Variants in EYA1 observed in about 807,000 individuals in gnomAD.
The protein encoded by EYA1 is protein phosphatase EYA1.
Under a neutral mutation model 82.0 loss-of-function variants are expected in EYA1, and 16 were observed. The observed-to-expected ratio is 0.20, with a 90% confidence interval of 0.13 to 0.30. The LOEUF is 0.30. EYA1 is among the 10% of genes least tolerant of loss of function. The probability of loss-of-function intolerance (pLI) is 1.00; values close to 1 mark genes in which losing one functional copy is unlikely to be tolerated. For missense variants in EYA1, 633 were observed against 730.7 expected (o/e 0.87, Z 1.54); for synonymous variants, 261 against 264.4 (o/e 0.99, Z 0.12).
At chr8:71,517,373 T>G (rs1813047426) in intron 2 of EYA1, among the ~76,000 whole-genome samples, 1 of 149,832 alleles carries the variant, frequency 6.7e-6, no homozygotes. Context: ...CATGAAAATC[T>G]TTTAAAATAT....
intron 4 of EYA1, among the ~76,000 whole-genome samples, chr8:71,326,130 G>T (rs189283686): frequency 5.8e-4 from 89 of 152,194 alleles, no homozygotes; most frequent in African/African-American, 2.0e-3. Context: ...AACATAGAAA[G>T]AATCTCCTCC....
At chr8:71,474,034 T>C (rs1809448926) in intron 2 of EYA1, among the ~76,000 whole-genome samples, 1 of 151,746 alleles carries the variant, frequency 6.6e-6, no homozygotes, top group Non-Finnish European at 1.5e-5. Flanking sequence ...GAACATCACA[T>C]ACCGGGGCCT....
chr8:71,431,573 T>G (rs1309880071), intron 2 of EYA1, among the ~76,000 whole-genome samples: 1 of 152,196 alleles, frequency 6.6e-6, no homozygotes, highest in Non-Finnish European at 1.5e-5. Context: ...CTAGGGTCTT[T>G]AAAATATGCT....
At chr8:71,309,426 C>G (rs1020054349) in intron 7 of EYA1, among the ~76,000 whole-genome samples, 3 of 151,792 alleles carry the variant, frequency 2.0e-5, no homozygotes, top group Non-Finnish European at 4.4e-5. Flanking sequence ...AGAAGAGTGG[C>G]AAAGCAATTA....
intron 2 of EYA1, among the ~76,000 whole-genome samples, chr8:71,391,936 A>T (rs919674233): frequency 6.6e-6 from 1 of 152,234 alleles, no homozygotes. Flanking sequence ...CACTGCACCC[A>T]ATCTTTAAGG....
intron 2 of EYA1, among the ~76,000 whole-genome samples, chr8:71,448,574 G>C (rs531221462): frequency 2.0e-5 from 3 of 152,142 alleles, no homozygotes; most frequent in Non-Finnish European, 2.9e-5. Context: ...TGATCTCCTA[G>C]GGATCACAAA....
At chr8:71,283,714 A>G (rs1806802633) in intron 9 of EYA1, among the ~76,000 whole-genome samples, 1 of 152,130 alleles carries the variant, frequency 6.6e-6, no homozygotes, top group Admixed American at 6.5e-5. Flanking sequence ...GAGAACTCAA[A>G]CACACTTGGT....
intron 4 of EYA1, among the ~76,000 whole-genome samples, chr8:71,333,053 T>C (rs1217326206): frequency 1.3e-5 from 2 of 152,194 alleles, no homozygotes; most frequent in African/African-American, 4.8e-5. Context: ...CATCAAACTG[T>C]ACTGTGATGG....
intron 12 of EYA1, among the ~76,000 whole-genome samples, chr8:71,221,265 T>C (rs1207105823): frequency 7.4e-6 from 1 of 134,502 alleles, no homozygotes; most frequent in African/African-American, 2.8e-5. Context: ...AGCTTATTGG[T>C]CCCAGACTAT....
At chr8:71,218,717 G>A (rs1430994733) in intron 12 of EYA1, among the ~76,000 whole-genome samples, 2 of 152,124 alleles carry the variant, frequency 1.3e-5, no homozygotes, top group East Asian at 1.9e-4. Context: ...AATGATGATC[G>A]CTTGTGTTTT....
At chr8:71,450,042 G>A (rs960792788) in intron 2 of EYA1, among the ~76,000 whole-genome samples, 4 of 152,116 alleles carry the variant, frequency 2.6e-5, no homozygotes, top group Non-Finnish European at 5.9e-5. Context: ...GTAGACTTTG[G>A]CTTAAGGGAA....
chr8:71,526,854 C>T (rs529815197), intron 2 of EYA1, among the ~76,000 whole-genome samples: 1 of 152,302 alleles, frequency 6.6e-6, no homozygotes, highest in Admixed American at 6.5e-5. Context: ...GACCCCCTTA[C>T]AAGGCTCCAT....
chr8:71,323,422 T>G (rs745671427), intron 4 of EYA1, among the ~76,000 whole-genome samples: 1 of 152,224 alleles, frequency 6.6e-6, no homozygotes, highest in South Asian at 2.1e-4. Context: ...AGTTTTCCCA[T>G]TGTCACACTG....
At chr8:71,479,633 A>G (rs1809968669) in intron 2 of EYA1, among the ~76,000 whole-genome samples, 1 of 151,512 alleles carries the variant, frequency 6.6e-6, no homozygotes, top group Non-Finnish European at 1.5e-5. Flanking sequence ...GAAAAAAAAA[A>G]AAAAAAAAAA....
chr8:71,441,721 A>G (rs1806448302), intron 2 of EYA1, among the ~76,000 whole-genome samples: 1 of 152,170 alleles, frequency 6.6e-6, no homozygotes, highest in South Asian at 2.1e-4. Flanking sequence ...AGGTATAATA[A>G]TATAGCTTTT....
chr8:71,252,517 A>G (rs1056942713), intron 11 of EYA1, among the ~76,000 whole-genome samples: 4 of 152,070 alleles, frequency 2.6e-5, no homozygotes, highest in African/African-American at 9.7e-5. Flanking sequence ...AGGTGACCAT[A>G]TTTTTAAGAG....
chr8:71,327,913 A>G (rs572756775), intron 4 of EYA1, among the ~76,000 whole-genome samples: 1 of 146,832 alleles, frequency 6.8e-6, no homozygotes, highest in African/African-American at 2.6e-5. Flanking sequence ...CTAGAGTGCA[A>G]TGGTGCATCT....
rs145425030 is a variant in EYA1 at position 71,429,618 on chromosome 8, G to A, written c.34-73107C>T. On this transcript the variant is annotated intron_variant, in intron 2 of 18. Transcript: ENST00000643681. ...AAATGTTACAGATAGAAAAACAAAG[G>A]CTTACTCAGAGTAGGTGCTCAATAA... Among the ~76,000 whole-genome samples the A allele has an allele frequency of 7.1e-3, 1,077 of 152,016 alleles. 20 individuals are homozygous for A. Among genetic ancestry groups the A allele is most frequent in the African/African-American group, 0.024 (1,014 of 41,506 alleles).
At chr8:71,491,605 G>T (rs753769346) in intron 2 of EYA1, among the ~76,000 whole-genome samples, 3 of 152,180 alleles carry the variant, frequency 2.0e-5, no homozygotes, top group African/African-American at 7.2e-5. Flanking sequence ...AAGGAGAGGG[G>T]CTTCAGAAGA....
Sources: gnomAD v4.1 joint callset for allele counts (sites outside exome capture counted in the v4.1 genomes callset) on GRCh38, gnomAD v4.1.1 for gene constraint, MANE v1.5 for transcripts, NCBI Gene and HGNC (gene_info 2026-07-23, HGNC 2026-07-21) for gene names.